Variants in DOCK2 observed in about 807,000 individuals in gnomAD.
DOCK2 encodes the protein dedicator of cytokinesis 2, also known as dedicator of cytokinesis protein 2.
A neutral mutation model predicts 248.9 loss-of-function variants in DOCK2; 87 were observed. The observed-to-expected ratio is 0.35, with a 90% CI of 0.29 to 0.42. The LOEUF is 0.42. Ranked by LOEUF, DOCK2 falls within the 10% of genes least tolerant of loss-of-function variation. The probability of loss-of-function intolerance (pLI) is 1.00; values close to 1 mark genes in which losing one functional copy is unlikely to be tolerated. For synonymous variants in DOCK2, 805 were observed against 821.6 expected (o/e 0.98, Z 0.35); for missense variants, 1,747 against 2,300.2 (o/e 0.76, Z 4.92).
At chr5:169,717,856 G>A (rs929594964) in intron 21 of DOCK2, among the ~76,000 whole-genome samples, 4 of 152,322 alleles carry the variant, frequency 2.6e-5, no homozygotes, top group African/African-American at 7.2e-5. Context: ...GAGGTCAGGA[G>A]TTGGAGACCA....
At chr5:170,019,285 A>G (rs1470977726) in intron 33 of DOCK2, among the ~76,000 whole-genome samples, 177 bp downstream of exon 33, 1 of 152,160 alleles carries the variant, frequency 6.6e-6, no homozygotes. Flanking sequence ...TATTCTATCA[A>G]GCTTTTCCGT....
rs188988838 is a variant in DOCK2, at chr5:169,650,709, G to A, written c.44-3694G>A. Among the ~76,000 whole-genome samples the A allele has an allele frequency of 5.3e-5, 8 of 152,268 alleles. 1 individual carries two copies. Among genetic ancestry groups the A allele is most frequent in the Admixed American group, 5.2e-4 (8 of 15,298 alleles). ...CTTGCTGGAGTCAGTGACCCAAGATGGCTCCATACTTGGGAACATCCCTTT... is the reference window on the plus strand; with the variant it reads ...CTTGCTGGAGTCAGTGACCCAAGATAGCTCCATACTTGGGAACATCCCTTT... On this transcript the variant is annotated intron_variant, in intron 1 of 51. Coordinates refer to ENST00000520908, the MANE Select transcript of DOCK2 (RefSeq NM_004946.3).
intron 27 of DOCK2, among the ~76,000 whole-genome samples, chr5:169,893,673 C>T (rs892216633): frequency 6.6e-6 from 1 of 152,068 alleles, no homozygotes; most frequent in Non-Finnish European, 1.5e-5. Context: ...ATGTTTCACC[C>T]CTCTTCTCCA....
intron 32 of DOCK2, among the ~76,000 whole-genome samples, chr5:170,012,797 C>A (rs1052238163): frequency 2.6e-5 from 4 of 152,214 alleles, no homozygotes; most frequent in Non-Finnish European, 4.4e-5. Context: ...TGCACTTAAT[C>A]CTCCCACATT....
intron 27 of DOCK2, among the ~76,000 whole-genome samples, chr5:169,870,905 C>T (rs1184520401): frequency 2.6e-5 from 4 of 152,060 alleles, no homozygotes; most frequent in Non-Finnish European, 4.4e-5. Context: ...GTGGCTTATA[C>T]ATACATACAT....
At chr5:169,948,937 G>A (rs1452861019) in intron 27 of DOCK2, among the ~76,000 whole-genome samples, 1 of 151,144 alleles carries the variant, frequency 6.6e-6, no homozygotes, top group African/African-American at 2.4e-5. Context: ...ACAAGCATTT[G>A]TGAAATTATC....
chr5:169,950,879 G>A (rs1379717082), intron 27 of DOCK2, among the ~76,000 whole-genome samples: 1 of 152,226 alleles, frequency 6.6e-6, no homozygotes, highest in African/African-American at 2.4e-5. Flanking sequence ...AGCCCACGGG[G>A]CAGATGTGGC....
At chr5:169,937,345 T>A in intron 27 of DOCK2, among the ~76,000 whole-genome samples, 1 of 152,186 alleles carries the variant, frequency 6.6e-6, no homozygotes, top group East Asian at 1.9e-4. Flanking sequence ...GGATCTATGG[T>A]TCCCTGGGTG....
intron 1 of DOCK2, among the ~76,000 whole-genome samples, chr5:169,640,152 A>G (rs967490537): frequency 4.6e-5 from 7 of 152,234 alleles, no homozygotes; most frequent in East Asian, 1.9e-4. Context: ...CCGAATATGC[A>G]CTTATCTCCA....
At chr5:169,655,701 C>A (rs1217985299) in intron 2 of DOCK2, among the ~76,000 whole-genome samples, 1 of 152,142 alleles carries the variant, frequency 6.6e-6, no homozygotes, top group Non-Finnish European at 1.5e-5. Context: ...CACAGACACA[C>A]ACAAAGACAC....
chr5:169,813,814 C>A (rs750644851), intron 26 of DOCK2, among the ~76,000 whole-genome samples: 5 of 152,134 alleles, frequency 3.3e-5, no homozygotes, highest in Non-Finnish European at 5.9e-5. Flanking sequence ...AGAAAGACAG[C>A]CTTGGTTCCT....
intron 10 of DOCK2, 75 bp downstream of exon 10, chr5:169,696,013 G>T: frequency 6.7e-7 from 1 of 1,490,168 alleles, no homozygotes; most frequent in Non-Finnish European, 8.9e-7. Context: ...ATGATGATTT[G>T]TTTCCCAACC....
At chr5:169,960,370 T>A (rs1465959328) in intron 27 of DOCK2, among the ~76,000 whole-genome samples, 1 of 152,216 alleles carries the variant, frequency 6.6e-6, no homozygotes, top group African/African-American at 2.4e-5. Flanking sequence ...CTATTTCTGG[T>A]TCTTGTAGCA....
rs188607126 is a variant in DOCK2 at position 169,955,245 on chromosome 5, G to A, written c.2800-27823G>A. Among the ~76,000 whole-genome samples, 12 of 152,242 alleles carry A rather than the reference G, an allele frequency of 7.9e-5. No homozygotes were observed. In the East Asian group the frequency reaches 9.7e-4, roughly 12 times the overall value. On this transcript the variant is annotated intron_variant, in intron 27 of 51. Transcript: ENST00000520908. ...AGGAGAAGGGGAGATGCCCCTGCCC[G>A]GGACCACACAGGACAGAAGGGCATC...
intron 32 of DOCK2, among the ~76,000 whole-genome samples, chr5:170,016,295 C>T (rs1755536685): frequency 6.6e-6 from 1 of 152,238 alleles, no homozygotes; most frequent in South Asian, 2.1e-4. Context: ...TTCTCGAATA[C>T]AGCAGCAGGT....
intron 14 of DOCK2, among the ~76,000 whole-genome samples, chr5:169,703,570 A>G (rs1761095580): frequency 2.0e-5 from 3 of 152,236 alleles, no homozygotes; most frequent in African/African-American, 7.2e-5. Flanking sequence ...AATGAGGCTA[A>G]TAACCACTGC....
chr5:169,974,069 A>G (rs971540353), intron 27 of DOCK2, among the ~76,000 whole-genome samples: 5 of 152,230 alleles, frequency 3.3e-5, no homozygotes, highest in African/African-American at 9.6e-5. Context: ...TTTAATGATA[A>G]TAAGATCATA....
intron 29 of DOCK2, 81 bp downstream of exon 29, chr5:169,986,003 C>A (rs1331125813): frequency 3.9e-6 from 5 of 1,272,136 alleles, no homozygotes; most frequent in East Asian, 5.0e-5. Flanking sequence ...AAATTAGGGA[C>A]AATTTCTCCT....
intron 26 of DOCK2, among the ~76,000 whole-genome samples, chr5:169,831,809 G>A (rs1371082364): frequency 6.6e-6 from 1 of 152,228 alleles, no homozygotes. Flanking sequence ...GGATGCCAAT[G>A]CATCCAAAAT....
Sources: allele counts gnomAD v4.1 joint callset (sites outside exome capture counted in the v4.1 genomes callset), GRCh38; gene constraint gnomAD v4.1.1; transcripts MANE v1.5; gene names NCBI Gene and HGNC (gene_info 2026-07-23, HGNC 2026-07-21).